PEMT: variants seen among roughly 807,000 people sequenced by gnomAD.
PEMT encodes phospholipid methyltransferase.
A neutral mutation model predicts 27.4 loss-of-function variants in PEMT; 23 were observed. The ratio of observed to expected loss-of-function variants is 0.84; its 90% CI spans 0.60 to 1.19. The LOEUF (loss-of-function observed/expected upper bound fraction) is 1.19, where lower values mean the gene tolerates loss of function less well. Ranked by LOEUF, PEMT falls within the 50% of genes most tolerant of loss-of-function variation. The pLI is 0.00. For missense variants in PEMT, 307 were observed against 310.1 expected (o/e 0.99, Z 0.07); for synonymous variants, 137 against 139.1 (o/e 0.98, Z 0.11).
intron 2 of PEMT, among the ~76,000 whole-genome samples, chr17:17,564,981 A>G (rs2142707176): frequency 6.6e-6 from 1 of 152,338 alleles, no homozygotes; most frequent in Non-Finnish European, 1.5e-5. Context: ...TGAGCCCAGC[A>G]GCTGCCTGGA....
chr17:17,518,153 T>A, intron 3 of PEMT: 1 of 985,432 alleles, frequency 1.0e-6, no homozygotes, highest in Non-Finnish European at 1.2e-6. Context: ...TTCCATCCCG[T>A]GACTGGTGAA....
chr17:17,513,528 C>T lies in PEMT; in HGVS notation c.321-874G>A, dbSNP rs982040563. 3.3e-5 allele frequency among the ~76,000 whole-genome samples: 5 copies of T among 152,006 alleles called. No individual in the cohort carries two copies. Among genetic ancestry groups the T allele is most frequent in the African/African-American group, 1.2e-4 (5 of 41,380 alleles). On this transcript the variant is annotated intron_variant, in intron 3 of 6. Transcript: ENST00000255389. The surrounding 1 kb of genome is among the most constrained non-coding windows in gnomAD (Gnocchi z 4.1). ...ACAAGAATCGCTTGAACCCAGGAGG[C>T]GGAGTTTGCACACCACTGCACTCCA...
At chr17:17,568,997 G>A (rs185555561) in intron 2 of PEMT, among the ~76,000 whole-genome samples, 18 of 152,258 alleles carry the variant, frequency 1.2e-4, no homozygotes, top group South Asian at 2.1e-4. Context: ...GCGGCCCAGC[G>A]CAGCAAGTGG....
chr17:17,531,924 T>C (rs1477296010), intron 2 of PEMT, among the ~76,000 whole-genome samples: 2 of 152,166 alleles, frequency 1.3e-5, no homozygotes, highest in Non-Finnish European at 2.9e-5. Flanking sequence ...ACATTCTTGA[T>C]AGAATGAAAG....
intron 2 of PEMT, among the ~76,000 whole-genome samples, chr17:17,529,014 C>A (rs1907903130): frequency 6.6e-6 from 1 of 152,244 alleles, no homozygotes; most frequent in Non-Finnish European, 1.5e-5. Flanking sequence ...GGGCCTGGAC[C>A]CCTCTCCCTT....
chr17:17,532,078 C>T (rs756712206), intron 2 of PEMT, among the ~76,000 whole-genome samples: 10 of 152,090 alleles, frequency 6.6e-5, no homozygotes, highest in Non-Finnish European at 1.5e-4. Flanking sequence ...AAACCCAAAG[C>T]TAACATCATA....
chr17:17,505,573 G>A lies in PEMT; in HGVS notation c.*218C>T, dbSNP rs962079768. On this transcript the variant is annotated 3_prime_UTR_variant, in exon 7 of 7. Coordinates refer to ENST00000255389, the MANE Select transcript of PEMT (RefSeq NM_148172.3). ...AGGCTGGAGCAGATGTTGGGGTCAG[G>A]GTGCCTTTATTGGTGAATGGGAATG... 2.8e-5 allele frequency: 12 copies of A among 422,460 alleles called. No homozygotes were observed. The highest frequency in any genetic ancestry group is 2.5e-4 in the African/African-American group (12 of 48,726). The allele number at this position is 422,460 out of a possible 1,614,324, so 26.2% of individuals were successfully genotyped here.
intron 2 of PEMT, among the ~76,000 whole-genome samples, chr17:17,529,634 T>G (rs1323682308): frequency 1.3e-5 from 2 of 152,170 alleles, no homozygotes; most frequent in East Asian, 3.9e-4. Flanking sequence ...ATGACCCAGC[T>G]TCACACCCGA....
At chr17:17,541,403 G>A (rs1396414890) in intron 2 of PEMT, among the ~76,000 whole-genome samples, 2 of 152,194 alleles carry the variant, frequency 1.3e-5, no homozygotes, top group Non-Finnish European at 2.9e-5. Context: ...GGAGCATCGT[G>A]GACCGTGGCC....
Position 17,507,048 on chromosome 17 carries a change from C to T in PEMT, c.579-747G>A, listed in dbSNP as rs546712777. On this transcript the variant is annotated intron_variant, in intron 5 of 6. Transcript: ENST00000255389. ...TTTGCTGGTGACCAGCTCCTGACCC[C>T]GCCACACCAGTAAGCAGCGGCAGCT... 1,796 of 968,062 alleles carry T rather than the reference C, an allele frequency of 1.9e-3. 1 individual carries two copies. Among genetic ancestry groups the T allele is most frequent in the Non-Finnish European group, 2.6e-3 (1,638 of 631,384 alleles). 60.0% of individuals were successfully genotyped at this position (968,062 alleles called of 1,614,324 possible). A position where few individuals can be genotyped will look rare whatever the true frequency, so the allele number is the denominator to read the frequency against.
chr17:17,522,848 C>T (rs1040448163), intron 2 of PEMT, among the ~76,000 whole-genome samples: 3 of 152,144 alleles, frequency 2.0e-5, no homozygotes, highest in African/African-American at 7.2e-5. Flanking sequence ...GAGCACAGGC[C>T]CAAATTTCCG....
chr17:17,555,830 G>A (rs1201858485), intron 2 of PEMT, among the ~76,000 whole-genome samples: 1 of 152,220 alleles, frequency 6.6e-6, no homozygotes, highest in African/African-American at 2.4e-5. Flanking sequence ...CTCTGAATAT[G>A]GCATCTGGGT....
intron 2 of PEMT, among the ~76,000 whole-genome samples, chr17:17,535,394 C>A (rs949781946): frequency 1.3e-5 from 2 of 151,852 alleles, no homozygotes. Flanking sequence ...GGCGAAACCC[C>A]GTCTCTACTA....
chr17:17,584,437 A>T (rs1267649103), intron 1 of PEMT, among the ~76,000 whole-genome samples: 2 of 152,170 alleles, frequency 1.3e-5, no homozygotes. Context: ...GAGGGATTAC[A>T]GGCGTGAGCC....
At chr17:17,542,894 G>GA (rs113879936) in intron 2 of PEMT, among the ~76,000 whole-genome samples, 10 of 152,354 alleles carry the variant, frequency 6.6e-5, no homozygotes, top group African/African-American at 2.2e-4. Context: ...GGGATGGGCA[G>GA]TGAAGCTGCC....
chr17:17,551,762 C>G (rs780220139), intron 2 of PEMT, among the ~76,000 whole-genome samples: 3 of 152,178 alleles, frequency 2.0e-5, no homozygotes, highest in African/African-American at 4.8e-5. Context: ...GCATGAGGGC[C>G]GTGTGTCCCA....
intron 3 of PEMT, among the ~76,000 whole-genome samples, chr17:17,520,612 G>A (rs561970878): frequency 5.6e-4 from 86 of 152,346 alleles, no homozygotes; most frequent in African/African-American, 2.0e-3. Flanking sequence ...CAGGCCCCGA[G>A]GCGGTGCCAT....
intron 2 of PEMT, among the ~76,000 whole-genome samples, chr17:17,547,004 C>A (rs1297428575): frequency 6.6e-6 from 1 of 152,374 alleles, no homozygotes; most frequent in Non-Finnish European, 1.5e-5. Context: ...GCCTGCGCCC[C>A]CGAAGAGCTG....
At chr17:17,586,531 G>A (rs1053838378) in intron 1 of PEMT, among the ~76,000 whole-genome samples, 1 of 152,202 alleles carries the variant, frequency 6.6e-6, no homozygotes. Flanking sequence ...GAAAGCGATC[G>A]TGGAAAGAAT....
Sources: allele counts gnomAD v4.1 joint callset (sites outside exome capture counted in the v4.1 genomes callset), GRCh38; gene constraint gnomAD v4.1.1; non-coding constraint Gnocchi (gnomAD v3.1); transcripts MANE v1.5; gene names NCBI Gene and HGNC (gene_info 2026-07-23, HGNC 2026-07-21).